The following TSHZ2 variants were observed in gnomAD, a reference collection of about 807,000 sequenced individuals.
TSHZ2 encodes the protein teashirt zinc finger homeobox 2, also known as teashirt homolog 2.
TSHZ2 carries 21 observed loss-of-function variants against 74.4 expected under a neutral mutation model. That is an observed-to-expected ratio of 0.28 (90% CI 0.20 to 0.41). TSHZ2 has a LOEUF of 0.41. Among genes scored for constraint, TSHZ2 ranks in the 10% least tolerant of loss-of-function variants. The pLI is 1.00. For synonymous variants in TSHZ2, 540 were observed against 515.3 expected (o/e 1.05, Z -0.65); for missense variants, 1,244 against 1,293.5 (o/e 0.96, Z 0.59).
chr20:53,130,920 T>C (rs992231556), intron 1 of TSHZ2, among the ~76,000 whole-genome samples: 1 of 152,242 alleles, frequency 6.6e-6, no homozygotes, highest in Non-Finnish European at 1.5e-5. Flanking sequence ...GAGCTACACT[T>C]CTTTGCATGC....
chr20:53,051,353 T>C (rs1600666479), intron 1 of TSHZ2, among the ~76,000 whole-genome samples: 1 of 151,986 alleles, frequency 6.6e-6, no homozygotes, highest in Non-Finnish European at 1.5e-5. Context: ...AAAAAGATAT[T>C]GTACCACTTG....
chr20:53,104,244 TG>T (rs1986298579), intron 1 of TSHZ2, among the ~76,000 whole-genome samples: 1 of 65,660 alleles, frequency 1.5e-5, no homozygotes, highest in East Asian at 4.8e-4. Flanking sequence ...GCAGGCAGAC[TG>T]GGGGGTGGGG....
At chr20:53,259,428 A>G (rs1990555558) in intron 2 of TSHZ2, among the ~76,000 whole-genome samples, 1 of 152,260 alleles carries the variant, frequency 6.6e-6, no homozygotes, top group African/African-American at 2.4e-5. Flanking sequence ...TTAGGTCATA[A>G]GTAATCTAAA....
At chr20:53,310,733 C>T (rs939759951) in intron 2 of TSHZ2, among the ~76,000 whole-genome samples, 2 of 152,152 alleles carry the variant, frequency 1.3e-5, no homozygotes, top group Admixed American at 6.5e-5. Context: ...TGTGGGATTC[C>T]CCAACATGAC....
chr20:53,225,468 G>C (rs1449582091), intron 1 of TSHZ2, among the ~76,000 whole-genome samples: 1 of 152,200 alleles, frequency 6.6e-6, no homozygotes, highest in Non-Finnish European at 1.5e-5. Context: ...ACGGAGATTG[G>C]AAGGCCAGAG....
At chr20:53,208,957 C>T in intron 1 of TSHZ2, among the ~76,000 whole-genome samples, 1 of 152,226 alleles carries the variant, frequency 6.6e-6, no homozygotes. Context: ...TTACTCTTTC[C>T]TAAGAGCTTT....
At chr20:53,144,204 G>T (rs574756864) in intron 1 of TSHZ2, among the ~76,000 whole-genome samples, 11 of 152,312 alleles carry the variant, frequency 7.2e-5, no homozygotes, top group Admixed American at 1.3e-4. Context: ...GAATCTTGCA[G>T]CCTCCAGCCG....
At chr20:53,017,940 G>A (rs1983100981) in intron 1 of TSHZ2, among the ~76,000 whole-genome samples, 1 of 152,138 alleles carries the variant, frequency 6.6e-6, no homozygotes, top group East Asian at 1.9e-4. Context: ...GATCCAAATA[G>A]ATATTTTACA....
chr20:53,026,930 G>A (rs1941756890), intron 1 of TSHZ2, among the ~76,000 whole-genome samples: 1 of 151,456 alleles, frequency 6.6e-6, no homozygotes, highest in South Asian at 2.1e-4. Context: ...TTGAACCCAG[G>A]GGTTCATAAG....
At chr20:53,182,564 G>A (rs889725982) in intron 1 of TSHZ2, among the ~76,000 whole-genome samples, 1 of 152,212 alleles carries the variant, frequency 6.6e-6, no homozygotes, top group Non-Finnish European at 1.5e-5. Flanking sequence ...ATTAAGTCAA[G>A]TAAAGGGATC....
intron 2 of TSHZ2, among the ~76,000 whole-genome samples, chr20:53,311,314 C>T (rs769219877): frequency 2.0e-5 from 3 of 152,218 alleles, no homozygotes; most frequent in Non-Finnish European, 4.4e-5. Context: ...TTCAGCCAGA[C>T]TGAAGGCATG....
chr20:53,077,130 AGGCCAGGCACGAT>A (rs1291651944), intron 1 of TSHZ2, among the ~76,000 whole-genome samples: 3 of 152,242 alleles, frequency 2.0e-5, no homozygotes, highest in East Asian at 3.9e-4. Flanking sequence ...AATGCTCTGG[AGGCCAGGCACGAT>A]GGCCCATGCC....
chr20:53,462,269 C>T (rs770789296), intron 2 of TSHZ2, among the ~76,000 whole-genome samples: 30 of 151,968 alleles, frequency 2.0e-4, no homozygotes, highest in Admixed American at 3.9e-4. Flanking sequence ...CAAAACAAAA[C>T]AAAAATTCAT....
chr20:53,453,041 C>T (rs1984869447), intron 2 of TSHZ2: 1 of 152,172 alleles, frequency 6.6e-6, no homozygotes, highest in Non-Finnish European at 1.5e-5. Flanking sequence ...GATTATAAAT[C>T]AGCTACAAGG....
At chr20:53,323,408 T>TTAA (rs1325622342) in intron 2 of TSHZ2, among the ~76,000 whole-genome samples, 11 of 123,674 alleles carry the variant, frequency 8.9e-5, no homozygotes, top group Admixed American at 5.1e-4. Flanking sequence ...AAATACTTGT[T>TTAA]TGATGAATGA....
At chr20:53,104,930 C>G (rs760896540) in intron 1 of TSHZ2, among the ~76,000 whole-genome samples, 1 of 152,154 alleles carries the variant, frequency 6.6e-6, no homozygotes, top group African/African-American at 2.4e-5. Flanking sequence ...GGAGAGTTTT[C>G]TTCTAGGAGA....
intron 1 of TSHZ2, among the ~76,000 whole-genome samples, chr20:53,171,485 G>A (rs1988198575): frequency 6.6e-6 from 1 of 151,788 alleles, no homozygotes; most frequent in Non-Finnish European, 1.5e-5. Context: ...TCTAAACTGG[G>A]AAAATTTCAT....
At chr20:52,985,510 GT>G (rs1241002081) in intron 1 of TSHZ2, among the ~76,000 whole-genome samples, 1 of 152,166 alleles carries the variant, frequency 6.6e-6, no homozygotes, top group Non-Finnish European at 1.5e-5. Context: ...CTTCTGGGTA[GT>G]TGGGAGAAGT....
intron 1 of TSHZ2, among the ~76,000 whole-genome samples, chr20:52,981,171 A>G (rs1272435025): frequency 6.6e-6 from 1 of 152,174 alleles, no homozygotes; most frequent in Non-Finnish European, 1.5e-5. Context: ...GAGACTGTGG[A>G]TGGAACAGCG....
Sources: gnomAD v4.1 joint callset for allele counts (sites outside exome capture counted in the v4.1 genomes callset) on GRCh38, gnomAD v4.1.1 for gene constraint, MANE v1.5 for transcripts, NCBI Gene and HGNC (gene_info 2026-07-23, HGNC 2026-07-21) for gene names.